Variants in NAALADL2 observed in about 807,000 individuals in gnomAD.
The protein encoded by NAALADL2 is inactive N-acetylated-alpha-linked acidic dipeptidase-like protein 2.
A neutral mutation model predicts 87.2 loss-of-function variants in NAALADL2; 76 were observed. That is an observed-to-expected ratio of 0.87 (90% CI 0.72 to 1.05). The LOEUF is 1.05. Among genes scored for constraint, NAALADL2 ranks in the 50% least tolerant of loss-of-function variants. The pLI, the probability that NAALADL2 is intolerant of heterozygous loss-of-function variation, is 0.00. For synonymous variants in NAALADL2, 354 were observed against 331.0 expected (o/e 1.07, Z -0.75); for missense variants, 1,089 against 945.8 (o/e 1.15, Z -1.99).
chr3:175,145,964 T>G (rs1730692371), intron 2 of NAALADL2, among the ~76,000 whole-genome samples: 1 of 152,092 alleles, frequency 6.6e-6, no homozygotes, highest in Admixed American at 6.6e-5. Context: ...GATGTGGAAA[T>G]TGTTTTCCAT....
intron 11 of NAALADL2, among the ~76,000 whole-genome samples, chr3:175,715,025 A>T (rs1168380369): frequency 1.3e-5 from 2 of 152,204 alleles, no homozygotes; most frequent in Non-Finnish European, 2.9e-5. Flanking sequence ...CTCATTTAAA[A>T]TAAGTACTAA....
intron 4 of NAALADL2, among the ~76,000 whole-genome samples, chr3:175,310,257 T>C (rs1758196301): frequency 1.3e-5 from 2 of 152,180 alleles, no homozygotes; most frequent in African/African-American, 4.8e-5. Flanking sequence ...TTGTTTTCTT[T>C]ATCTTCATAG....
chr3:174,470,590 T>C (rs1246338137), intron 1 of NAALADL2, among the ~76,000 whole-genome samples: 1 of 152,214 alleles, frequency 6.6e-6, no homozygotes, highest in African/African-American at 2.4e-5. Context: ...GGTCTCCTTC[T>C]GGGACTTTTA....
Position 174,877,895 on chromosome 3 carries a change from A to G in NAALADL2, c.43+18445A>G, listed in dbSNP as rs73881541. Among the ~76,000 whole-genome samples the G allele has an allele frequency of 8.5e-3, 1,295 of 152,196 alleles. 22 individuals carry two copies. Among genetic ancestry groups the G allele is most frequent in the African/African-American group, 0.03 (1,235 of 41,562 alleles). On this transcript the variant is annotated intron_variant, in intron 1 of 13. Transcript: ENST00000454872. ...GATAGCAAATTCCTTACAAACAATT[A>G]TAGCCCAGCATAAGTGGAATAACTG...
intron 11 of NAALADL2, among the ~76,000 whole-genome samples, chr3:175,715,731 C>A (rs939113842): frequency 1.3e-5 from 2 of 151,954 alleles, no homozygotes; most frequent in Non-Finnish European, 2.9e-5. Flanking sequence ...CAAAAATTAG[C>A]CAGGCATAGT....
chr3:175,061,427 G>A (rs1713459970), intron 1 of NAALADL2, among the ~76,000 whole-genome samples: 1 of 152,104 alleles, frequency 6.6e-6, no homozygotes, highest in Admixed American at 6.6e-5. Flanking sequence ...ATCTGTTGCT[G>A]TTACATGTGC....
chr3:174,882,815 ATG>A (rs1331458082), intron 1 of NAALADL2, among the ~76,000 whole-genome samples: 2 of 135,284 alleles, frequency 1.5e-5, no homozygotes, highest in Non-Finnish European at 3.0e-5. Flanking sequence ...ATATGTGCAT[ATG>A]TGTATATATA....
At chr3:175,481,031 T>C (rs1407500513) in intron 9 of NAALADL2, among the ~76,000 whole-genome samples, 1 of 151,862 alleles carries the variant, frequency 6.6e-6, no homozygotes, top group African/African-American at 2.4e-5. Flanking sequence ...GCATGCAGAT[T>C]ATGTCGTTAC....
chr3:174,962,707 G>C (rs2108567676), intron 1 of NAALADL2, among the ~76,000 whole-genome samples: 1 of 152,024 alleles, frequency 6.6e-6, no homozygotes. Context: ...GATTATGAGG[G>C]ACTTGATGCT....
At chr3:175,782,133 C>A (rs1751211909) in intron 13 of NAALADL2, among the ~76,000 whole-genome samples, 1 of 150,226 alleles carries the variant, frequency 6.7e-6, no homozygotes, top group Non-Finnish European at 1.5e-5. Context: ...GGTTCCAAGT[C>A]TTTGCTATTG....
At chr3:175,137,339 TATC>T (rs1203081973) in intron 2 of NAALADL2, among the ~76,000 whole-genome samples, 1 of 152,148 alleles carries the variant, frequency 6.6e-6, no homozygotes, top group Non-Finnish European at 1.5e-5. Context: ...CCTAACGTTA[TATC>T]ATTAGAATTT....
chr3:175,747,938 T>G (rs1338203644), intron 12 of NAALADL2, among the ~76,000 whole-genome samples: 3 of 152,136 alleles, frequency 2.0e-5, no homozygotes, highest in African/African-American at 7.2e-5. Context: ...GAGTTGGAAG[T>G]CTTATTAGAT....
chr3:175,549,416 CTA>C (rs1439811567), intron 9 of NAALADL2, among the ~76,000 whole-genome samples: 1 of 151,832 alleles, frequency 6.6e-6, no homozygotes, highest in Admixed American at 6.6e-5. Context: ...TATAAATACT[CTA>C]TTATTTTGGT....
At chr3:175,261,411 A>C (rs7637350) in intron 4 of NAALADL2, among the ~76,000 whole-genome samples, 9,864 of 152,204 alleles carry the variant, frequency 0.065, 1,073 homozygotes, top group African/African-American at 0.23. Context: ...ATCCCTCTGA[A>C]ACATGGAGGT....
At chr3:175,016,807 G>A (rs1750881998) in intron 1 of NAALADL2, among the ~76,000 whole-genome samples, 1 of 151,740 alleles carries the variant, frequency 6.6e-6, no homozygotes, top group South Asian at 2.1e-4. Context: ...CATAATAAAT[G>A]CACCTACTTT....
chr3:174,996,628 G>A (rs1202275158), intron 1 of NAALADL2, among the ~76,000 whole-genome samples: 2 of 152,104 alleles, frequency 1.3e-5, no homozygotes, highest in African/African-American at 4.8e-5. Flanking sequence ...AAAACCAGCA[G>A]AGCCTTGATA....
intron 2 of NAALADL2, among the ~76,000 whole-genome samples, chr3:175,140,314 A>G (rs1729802899): frequency 6.6e-6 from 1 of 152,174 alleles, no homozygotes; most frequent in Admixed American, 6.6e-5. Flanking sequence ...GATGTCAGGT[A>G]TTCAGGTGGG....
chr3:175,353,050 T>C (rs9818703), intron 5 of NAALADL2, among the ~76,000 whole-genome samples: 48,677 of 151,870 alleles, frequency 0.32, 8,013 homozygotes, highest in East Asian at 0.5. Context: ...ATTTCTGTTA[T>C]TTTTTTAAAC....
intron 3 of NAALADL2, among the ~76,000 whole-genome samples, chr3:175,246,375 AC>A (rs1344941840): frequency 1.3e-5 from 2 of 152,190 alleles, no homozygotes; most frequent in Non-Finnish European, 2.9e-5. Flanking sequence ...GTAGAAAATT[AC>A]TGTTTTAGTC....
Sources: allele counts gnomAD v4.1 joint callset (sites outside exome capture counted in the v4.1 genomes callset), GRCh38; gene constraint gnomAD v4.1.1; transcripts MANE v1.5; gene names NCBI Gene and HGNC (gene_info 2026-07-23, HGNC 2026-07-21).